Variants in SAMD5 observed in about 807,000 individuals in gnomAD.
SAMD5 encodes the protein sterile alpha motif domain containing 5.
Under a neutral mutation model 11.3 loss-of-function variants are expected in SAMD5, and 13 were observed. The observed-to-expected ratio is 1.15, with a 90% CI of 0.75 to 1.83. SAMD5 has a LOEUF of 1.83. Among genes scored for constraint, SAMD5 ranks in the 40% most tolerant of loss-of-function variants. SAMD5 has a pLI of 0.00. For synonymous variants in SAMD5, 129 were observed against 111.3 expected (o/e 1.16, Z -1.00); for missense variants, 255 against 239.1 (o/e 1.07, Z -0.44).
the SAMD5 span, among the ~76,000 whole-genome samples, chr6:147,759,588 A>G: frequency 6.7e-6 from 1 of 150,004 alleles, no homozygotes; most frequent in African/African-American, 2.4e-5. Flanking sequence ...TTATTTTTAT[A>G]TATTTATTAT....
chr6:147,670,039 T>A (rs916409553), intron 1 of SAMD5, among the ~76,000 whole-genome samples: 1 of 152,226 alleles, frequency 6.6e-6, no homozygotes, highest in Non-Finnish European at 1.5e-5. Context: ...TCAGAATTAC[T>A]CCTTGATCCA....
At chr6:147,685,585 C>T (rs1413258538) in intron 1 of SAMD5, among the ~76,000 whole-genome samples, 1 of 152,198 alleles carries the variant, frequency 6.6e-6, no homozygotes, top group African/African-American at 2.4e-5. Context: ...TCTTGGAGTT[C>T]TTCTGGCTGC....
intron 1 of SAMD5, among the ~76,000 whole-genome samples, chr6:147,701,103 G>T (rs967749515): frequency 5.9e-5 from 9 of 152,052 alleles, no homozygotes; most frequent in Non-Finnish European, 1.3e-4. Flanking sequence ...GGAAGTTAGG[G>T]TTTAGATTGT....
chr6:147,584,913 A>G (rs1789352676), intron 1 of SAMD5, among the ~76,000 whole-genome samples: 1 of 152,206 alleles, frequency 6.6e-6, no homozygotes, highest in South Asian at 2.1e-4. Flanking sequence ...TTGATTTTGC[A>G]AAAGTAGCTG....
chr6:147,863,608 T>C, the SAMD5 span, among the ~76,000 whole-genome samples: 1 of 151,834 alleles, frequency 6.6e-6, no homozygotes, highest in Non-Finnish European at 1.5e-5. Flanking sequence ...TCCCCTTTTG[T>C]CTCTTTTATG....
At chr6:147,954,330 A>G in the SAMD5 span, among the ~76,000 whole-genome samples, 2 of 152,344 alleles carry the variant, frequency 1.3e-5, no homozygotes, top group African/African-American at 2.4e-5. Flanking sequence ...AGATAACGTC[A>G]TGGGGTGCAC....
At position 147,540,944 on chromosome 6, in the gene SAMD5, T is replaced by TG. The variant is rs1332327757; in HGVS notation, c.460-23450_460-23449insG. On this transcript the variant is annotated intron_variant, in intron 1 of 1. Transcript: ENST00000367474. ...GGTTCAAGCCACGCGTTTTTTTTTT[T>TG]TTTTTTTTTTTTTTTTGAGAAGGAG... Among the ~76,000 whole-genome samples the TG allele has an allele frequency of 1.2e-4, 17 of 138,418 alleles. No homozygotes were observed. The East Asian group carries it at 3.1e-3, about 25-fold the overall frequency. The allele number at this position is 138,418 out of a possible 152,430, so 90.8% of individuals were successfully genotyped here.
the SAMD5 span, among the ~76,000 whole-genome samples, chr6:147,819,239 A>G: frequency 6.6e-6 from 1 of 152,294 alleles, no homozygotes; most frequent in South Asian, 2.1e-4. Context: ...AGAAAACTAA[A>G]TACTGCATAT....
At chr6:147,656,928 G>GTGTGTT (rs1489189885) in intron 1 of SAMD5, among the ~76,000 whole-genome samples, 1 of 140,260 alleles carries the variant, frequency 7.1e-6, no homozygotes, top group Non-Finnish European at 1.6e-5. Context: ...GTGTGTGTGT[G>GTGTGTT]TGTGTATCCA....
chr6:147,688,795 G>T (rs1791057359), intron 1 of SAMD5, among the ~76,000 whole-genome samples: 1 of 152,180 alleles, frequency 6.6e-6, no homozygotes, highest in South Asian at 2.1e-4. Context: ...AATTTTGGGG[G>T]TCCAGATTTT....
At chr6:147,854,382 C>A in the SAMD5 span, among the ~76,000 whole-genome samples, 1 of 152,130 alleles carries the variant, frequency 6.6e-6, no homozygotes, top group Non-Finnish European at 1.5e-5. Context: ...CCCACTATAT[C>A]TTCACATTTT....
chr6:147,842,341 C>T, the SAMD5 span, among the ~76,000 whole-genome samples: 1 of 151,900 alleles, frequency 6.6e-6, no homozygotes, highest in Non-Finnish European at 1.5e-5. Flanking sequence ...TCACAACCCT[C>T]AGCATTGTGT....
At chr6:147,765,091 C>T in the SAMD5 span, among the ~76,000 whole-genome samples, 12 of 152,246 alleles carry the variant, frequency 7.9e-5, no homozygotes, top group East Asian at 7.7e-4. Flanking sequence ...GCATATTTTA[C>T]GCTACTAAAT....
At chr6:147,788,026 T>C in the SAMD5 span, among the ~76,000 whole-genome samples, 2 of 152,192 alleles carry the variant, frequency 1.3e-5, no homozygotes, top group Non-Finnish European at 2.9e-5. Flanking sequence ...TGTGAGACAG[T>C]AATTTGAAAA....
intron 1 of SAMD5, among the ~76,000 whole-genome samples, chr6:147,516,328 G>T (rs1217800147): frequency 1.3e-5 from 2 of 152,118 alleles, no homozygotes; most frequent in Non-Finnish European, 2.9e-5. Context: ...AGTAAGAATG[G>T]TACTGCTTTC....
At chr6:147,812,493 C>G in the SAMD5 span, among the ~76,000 whole-genome samples, 2 of 151,950 alleles carry the variant, frequency 1.3e-5, no homozygotes, top group Non-Finnish European at 2.9e-5. Context: ...CGAGCCCAGT[C>G]ATACCAGCAG....
At chr6:147,748,325 C>T in the SAMD5 span, among the ~76,000 whole-genome samples, 12 of 152,332 alleles carry the variant, frequency 7.9e-5, no homozygotes, top group Admixed American at 2.0e-4. Flanking sequence ...GAATCAGATT[C>T]TACCGCTAAC....
At chr6:147,524,699 G>T (rs951752874) in intron 1 of SAMD5, among the ~76,000 whole-genome samples, 16 of 151,938 alleles carry the variant, frequency 1.1e-4, no homozygotes, top group Non-Finnish European at 2.9e-5. Flanking sequence ...ACCTAGATTC[G>T]CTTTTTAAAA....
At chr6:147,889,376 A>G in the SAMD5 span, among the ~76,000 whole-genome samples, 3 of 152,180 alleles carry the variant, frequency 2.0e-5, no homozygotes, top group Admixed American at 6.5e-5. Flanking sequence ...TCAATCTTTC[A>G]TCTAGCTTCC....
Sources: gnomAD v4.1 joint callset for allele counts (sites outside exome capture counted in the v4.1 genomes callset) on GRCh38, gnomAD v4.1.1 for gene constraint, MANE v1.5 for transcripts, NCBI Gene and HGNC (gene_info 2026-07-23, HGNC 2026-07-21) for gene names.